Variants in PMPCA observed in about 807,000 individuals in gnomAD.
PMPCA encodes peptidase, mitochondrial processing subunit alpha.
In PMPCA, 47 loss-of-function variants were observed where a neutral mutation model predicts 59.3. The ratio of observed to expected loss-of-function variants is 0.79; its 90% confidence interval spans 0.63 to 1.01. PMPCA has a LOEUF of 1.01. Ranked by LOEUF, PMPCA falls within the 50% of genes least tolerant of loss-of-function variation. The pLI is 0.00. For missense variants in PMPCA, 726 were observed against 704.5 expected (o/e 1.03, Z -0.34); for synonymous variants, 338 against 290.3 (o/e 1.16, Z -1.67).
chr9:136,415,885 G>A (rs568883808), intron 5 of PMPCA, among the ~76,000 whole-genome samples: 3 of 152,106 alleles, frequency 2.0e-5, no homozygotes, highest in African/African-American at 4.8e-5. Context: ...CACCCACCTC[G>A]GCCTCCCAAA....
chr9:136,418,774 A>G (rs1835358234), intron 9 of PMPCA, 54 bp from the exon 10 acceptor site: 5 of 1,529,034 alleles, frequency 3.3e-6, no homozygotes, highest in Admixed American at 1.7e-5. Context: ...CCAGTTTCCC[A>G]TGGCCTGATC....
At position 136,415,807 on chromosome 9, in the gene PMPCA, A is replaced by G. The variant is rs532194885; in HGVS notation, c.533-484A>G. ...GCCACCGCGCCCAGTTAATTTTTGT[A>G]TTTTTAGTAGAGATGGGGTTTCACA... On this transcript the variant is annotated intron_variant, in intron 5 of 12. Transcript: ENST00000371717. 5.3e-5 allele frequency among the ~76,000 whole-genome samples: 8 copies of G among 152,136 alleles called. No homozygotes were observed. In the South Asian group the frequency reaches 1.7e-3, roughly 32 times the overall value.
Position 136,412,101 on chromosome 9 carries a change from T to C in PMPCA, c.176T>C (p.Val59Ala). 2.5e-6 allele frequency: 4 copies of C among 1,613,702 alleles called. No individual in the cohort carries two copies. Among genetic ancestry groups the C allele is most frequent in the Non-Finnish European group, 3.4e-6 (4 of 1,179,606 alleles). The change falls in exon 2 of 13, where the codon GTT becomes GCT. Residue 59 changes from valine to alanine, a missense_variant. Transcript: ENST00000371717. ...PGVPKPVFAT[V>A]DGQEKFETKV... ...GTACCCAAGCCTGTTTTTGCTACAG[T>C]TGATGGACAGGAAAAGTTTGAAACC...
At position 136,416,272 on chromosome 9, in the gene PMPCA, C is replaced by T; in HGVS notation, c.533-19C>T. On this transcript the variant is annotated intron_variant, in intron 5 of 12. Coordinates refer to ENST00000371717, the MANE Select transcript of PMPCA (RefSeq NM_015160.3). ...TCTGCCTGTGCAGACTCAGCCCTGG[C>T]CTTTGGGTTCTCTTGCAGATGAAGA... 1 of 1,587,926 alleles carries T rather than the reference C, an allele frequency of 6.3e-7. No homozygotes were observed. The highest frequency in any genetic ancestry group is 8.6e-7 in the Non-Finnish European group (1 of 1,157,258).
chr9:136,412,265 T>C (rs779366110), intron 2 of PMPCA, 66 bp downstream of exon 2: 14 of 1,119,644 alleles, frequency 1.3e-5, no homozygotes, highest in Non-Finnish European at 1.9e-5. Flanking sequence ...TAGTTGACTG[T>C]TAGTTGTAAT....
At chr9:136,415,507 G>A (rs1004340436) in intron 5 of PMPCA, among the ~76,000 whole-genome samples, 1 of 152,210 alleles carries the variant, frequency 6.6e-6, no homozygotes, top group African/African-American at 2.4e-5. Context: ...AGAGGGGAAC[G>A]TTGGCTTTTC....
chr9:136,418,107 C>T lies in PMPCA; in HGVS notation c.988C>T (p.Leu330=). The T allele has an allele frequency of 6.2e-7, 1 of 1,601,328 alleles. No individual in the cohort carries two copies. Among genetic ancestry groups the T allele is most frequent in the South Asian group, 1.1e-5 (1 of 90,842 alleles). ...IMVGLESCSF[L]EEDFIPFAVL... ...GGTTGGACTGGAGAGCTGCTCCTTC[C>T]TGGTGAGTCCTGGTGCTGGGTCTGA... Residue 330 remains leucine (L), a splice_region_variant and synonymous_variant, in exon 8 of 13, where the codon CTG becomes TTG. Transcript: ENST00000371717.
At position 136,417,127 on chromosome 9, in the gene PMPCA, C is replaced by T. The variant is rs1338118473; in HGVS notation, c.810C>T (p.Tyr270=). The change falls in exon 7 of 13, where the codon TAC becomes TAT. Residue 270 remains tyrosine, a synonymous_variant. Transcript: ENST00000371717. The part of the protein sequence containing the change: ...HEHLVDCARK[Y]LLGVQPAWGS... The stretch of plus-strand genomic sequence containing the variant: ...ATCTGGTGGACTGTGCCCGGAAGTA[C>T]CTCCTGGGGGTCCAGCCGGCCTGGG... 2.5e-6 allele frequency: 4 copies of T among 1,613,486 alleles called. No homozygotes were observed. The South Asian group carries it at 4.4e-5, about 18-fold the overall frequency.
Position 136,412,887 on chromosome 9 carries a change from A to C in PMPCA, c.432A>C (p.Thr144=). The C allele has an allele frequency of 6.3e-7, 1 of 1,579,296 alleles. No individual in the cohort carries two copies. The highest frequency in any genetic ancestry group is 8.7e-7 in the Non-Finnish European group (1 of 1,149,218). ...EKHGGICDCQ[T]SRDTTMYAVS... is the part of the protein sequence containing the mutation. Reference sequence around the variant, plus strand: ...ATGGGGGTATCTGTGACTGCCAGACATCAAGGTACACCAGCTTTTGTGTAC... The same window carrying C: ...ATGGGGGTATCTGTGACTGCCAGACCTCAAGGTACACCAGCTTTTGTGTAC... The change falls in exon 4 of 13, where the codon ACA becomes ACC. Residue 144 remains threonine (T), a synonymous_variant. Transcript: ENST00000371717.
At chr9:136,411,411 G>A (rs2131581129) in intron 1 of PMPCA, 1 of 158,914 alleles carries the variant, frequency 6.3e-6, no homozygotes, top group South Asian at 1.8e-4. Flanking sequence ...GACTGGTGAG[G>A]GATAGTCCTC....
rs368303001 is a variant in PMPCA at position 136,423,074 on chromosome 9, C to T, written c.1409-21C>T. On this transcript the variant is annotated intron_variant, in intron 12 of 12. Coordinates refer to ENST00000371717, the MANE Select transcript of PMPCA (RefSeq NM_015160.3). ...GGGGCCGTGGCGCGCTCGTGTGACACGCGTTTGCCCTCTGCACTAGGCAAC... is the reference window on the plus strand; with the variant it reads ...GGGGCCGTGGCGCGCTCGTGTGACATGCGTTTGCCCTCTGCACTAGGCAAC... The T allele has an allele frequency of 4.7e-4, 752 of 1,602,450 alleles. 8 individuals are homozygous for T. The South Asian group carries it at 5.8e-3, about 12-fold the overall frequency.
chr9:136,411,101 C>T (rs761219007), intron 1 of PMPCA: 65 of 239,800 alleles, frequency 2.7e-4, no homozygotes, highest in Non-Finnish European at 4.3e-4. Flanking sequence ...GGTTCTGACA[C>T]CAGGGTCCAG....
At chr9:136,418,247 G>T in intron 8 of PMPCA, 138 bp downstream of exon 8, 1 of 700,384 alleles carries the variant, frequency 1.4e-6, no homozygotes. Context: ...TCTGTCCCTG[G>T]CATCCAGCAA....
chr9:136,417,115 T>C lies in PMPCA; in HGVS notation c.798T>C (p.Cys266=). ...TGGAGCACGAGCATCTGGTGGACTG[T>C]GCCCGGAAGTACCTCCTGGGGGTCC... ...VGVEHEHLVD[C]ARKYLLGVQP... Residue 266 remains cysteine, a synonymous_variant, in exon 7 of 13, where the codon TGT becomes TGC. Transcript: ENST00000371717. 1 of 1,613,744 alleles carries C rather than the reference T, an allele frequency of 6.2e-7. No homozygotes were observed. The highest frequency in any genetic ancestry group is 8.5e-7 in the Non-Finnish European group (1 of 1,179,942).
intron 1 of PMPCA, chr9:136,411,021 C>G (rs1324908277): frequency 1.1e-5 from 4 of 364,096 alleles, no homozygotes; most frequent in Non-Finnish European, 2.0e-5. Context: ...TATTTGCCCC[C>G]GCGCTTCACC....
intron 6 of PMPCA, 129 bp from the exon 7 acceptor site, chr9:136,416,822 T>G: frequency 1.3e-6 from 1 of 760,496 alleles, no homozygotes; most frequent in Non-Finnish European, 2.1e-6. Flanking sequence ...ATTGCCAGAG[T>G]GCAAGTAAAA....
chr9:136,417,351 T>G, intron 7 of PMPCA, 137 bp downstream of exon 7: 2 of 647,820 alleles, frequency 3.1e-6, no homozygotes, highest in Non-Finnish European at 2.6e-6. Context: ...CATGCTGTAG[T>G]CCCACAGCAG....
chr9:136,421,412 T>TTTTTTTTG (rs1835446202), intron 11 of PMPCA, among the ~76,000 whole-genome samples: 3 of 93,062 alleles, frequency 3.2e-5, no homozygotes, highest in South Asian at 6.3e-4. Context: ...CCGTTTTTTT[T>TTTTTTTTG]TTTTTTTTTT....
Position 136,412,708 on chromosome 9 carries a change from T to G in PMPCA, c.355-102T>G, listed in dbSNP as rs11145935. ...AAAAGACTTTTAAGTTAAAAGATAATTTTTGTATGTGTGTTAAAAGCAAAA... is the reference window on the plus strand; with the variant it reads ...AAAAGACTTTTAAGTTAAAAGATAAGTTTTGTATGTGTGTTAAAAGCAAAA... On this transcript the variant is annotated intron_variant, in intron 3 of 12. Transcript: ENST00000371717. 3,164 of 828,582 alleles carry G rather than the reference T, an allele frequency of 3.8e-3. 7 individuals carry two copies. The highest frequency in any genetic ancestry group is 5.2e-3 in the Non-Finnish European group (2,564 of 492,924). 51.3% of individuals were successfully genotyped at this position (828,582 alleles called of 1,614,324 possible).
Sources: gnomAD v4.1 joint callset for allele counts (sites outside exome capture counted in the v4.1 genomes callset) on GRCh38, gnomAD v4.1.1 for gene constraint, MANE v1.5 for transcripts, NCBI Gene and HGNC (gene_info 2026-07-23, HGNC 2026-07-21) for gene names.